Variants in KIF6 observed in about 807,000 individuals in gnomAD.
KIF6 encodes kinesin-like protein KIF6.
A neutral mutation model predicts 112.7 loss-of-function variants in KIF6; 106 were observed. That is an observed-to-expected ratio of 0.94 (90% CI 0.80 to 1.11). KIF6 has a LOEUF of 1.11. Ranked by LOEUF, KIF6 falls within the 50% of genes least tolerant of loss-of-function variation. KIF6 has a pLI of 0.00. For synonymous variants in KIF6, 339 were observed against 339.9 expected, an observed-to-expected ratio of 1.00 and a Z score of 0.03; for missense variants, 929 against 964.0, an observed-to-expected ratio of 0.96 and a Z score of 0.48.
chr6:39,346,489 T>C lies in KIF6; in HGVS notation c.2218A>G (p.Arg740Gly), dbSNP rs1763818132. ...GGGGGTCCTCACCAGACATCGAATC[T>C]GCCAGTGCCTTGATCTTGGACTTCC... is the stretch of plus-strand genomic sequence containing the variant. ...GWEVQDQGTG[R>G]FDVCDVNARK... Residue 740 changes from arginine to glycine, a missense_variant, in exon 20 of 23, where the codon AGA (arginine) becomes GGA (glycine). Around this residue, in one of 2 missense-constraint regions of KIF6, gnomAD observed 241 missense variants for 301.4 expected, o/e 0.80. Coordinates refer to ENST00000287152, the MANE Select transcript of KIF6 (RefSeq NM_145027.6). 2.8e-6 allele frequency: 2 copies of C among 715,652 alleles called. No homozygotes were observed. The highest frequency in any genetic ancestry group is 2.0e-5 in the Admixed American group (1 of 49,964). The allele number at this position is 715,652 out of a possible 1,614,324, so 44.3% of individuals were successfully genotyped here.
intron 3 of KIF6, among the ~76,000 whole-genome samples, chr6:39,700,400 C>T (rs1441012219): frequency 5.3e-5 from 8 of 152,182 alleles, no homozygotes; most frequent in Admixed American, 4.6e-4. Flanking sequence ...TATGTTCAAG[C>T]TGATGATCCT....
At chr6:39,612,561 C>G (rs1214013789) in intron 6 of KIF6, among the ~76,000 whole-genome samples, 3 of 152,140 alleles carry the variant, frequency 2.0e-5, no homozygotes, top group Non-Finnish European at 4.4e-5. Flanking sequence ...ATTTGAATGT[C>G]AGATTAACAA....
At chr6:39,607,523 T>C (rs1257184361) in intron 6 of KIF6, among the ~76,000 whole-genome samples, 3 of 152,176 alleles carry the variant, frequency 2.0e-5, no homozygotes, top group African/African-American at 7.2e-5. Flanking sequence ...GAATTGTCAA[T>C]ATATCTTTTA....
intron 21 of KIF6, among the ~76,000 whole-genome samples, chr6:39,344,904 G>A (rs1438636356): frequency 3.3e-5 from 5 of 152,184 alleles, no homozygotes; most frequent in East Asian, 1.9e-4. Context: ...ATGTGTGGCC[G>A]GGTGACCAGG....
intron 15 of KIF6, 108 bp downstream of exon 15, chr6:39,419,840 C>G (rs1384791894): frequency 1.0e-6 from 1 of 953,206 alleles, no homozygotes; most frequent in Non-Finnish European, 1.7e-6. Flanking sequence ...AGGGGCTCTC[C>G]TGAAACTGGC....
chr6:39,683,057 G>T (rs1011046698), intron 3 of KIF6, among the ~76,000 whole-genome samples: 41 of 152,352 alleles, frequency 2.7e-4, no homozygotes, highest in African/African-American at 9.4e-4. Context: ...CTGGGCAAAG[G>T]AAAGGAAAAG....
At chr6:39,358,569 G>A (rs576214787) in intron 18 of KIF6, among the ~76,000 whole-genome samples, 28 of 152,318 alleles carry the variant, frequency 1.8e-4, no homozygotes, top group Non-Finnish European at 3.7e-4. Context: ...AGTTTCGCTG[G>A]TATGACCCTT....
At chr6:39,622,035 C>T (rs757665842) in intron 5 of KIF6, among the ~76,000 whole-genome samples, 12 of 151,700 alleles carry the variant, frequency 7.9e-5, no homozygotes, top group Non-Finnish European at 1.8e-4. Flanking sequence ...GGTGGGGCGG[C>T]GGGCACCTGT....
At chr6:39,579,152 T>C (rs1781145941) in intron 9 of KIF6, among the ~76,000 whole-genome samples, 1 of 152,216 alleles carries the variant, frequency 6.6e-6, no homozygotes, top group Admixed American at 6.5e-5. Context: ...TTATTATATA[T>C]TGTTAAATTG....
intron 13 of KIF6, among the ~76,000 whole-genome samples, chr6:39,509,937 A>T (rs1776669085): frequency 6.6e-6 from 1 of 152,130 alleles, no homozygotes; most frequent in African/African-American, 2.4e-5. Flanking sequence ...TGTCAGATTC[A>T]CCAAGGCTGA....
At chr6:39,491,691 G>A (rs1338454328) in intron 13 of KIF6, among the ~76,000 whole-genome samples, 2 of 152,170 alleles carry the variant, frequency 1.3e-5, no homozygotes, top group African/African-American at 2.4e-5. Context: ...TGAAGACAGT[G>A]TTAGCAGAAG....
chr6:39,631,826 A>T (rs1784367857), intron 5 of KIF6, among the ~76,000 whole-genome samples: 1 of 151,984 alleles, frequency 6.6e-6, no homozygotes, highest in Non-Finnish European at 1.5e-5. Context: ...GAAAGAGATT[A>T]TGTAAAATTG....
chr6:39,479,265 G>A (rs1774643397), intron 13 of KIF6, among the ~76,000 whole-genome samples: 1 of 152,124 alleles, frequency 6.6e-6, no homozygotes, highest in African/African-American at 2.4e-5. Flanking sequence ...TCTGTCTTGA[G>A]CTGATTTTTA....
At chr6:39,618,523 G>A (rs112820534) in intron 5 of KIF6, among the ~76,000 whole-genome samples, 10,544 of 152,192 alleles carry the variant, frequency 0.069, 419 homozygotes, top group Middle Eastern at 0.11. Flanking sequence ...TAGCATTAAT[G>A]TTAAAACAGA....
chr6:39,386,628 G>T (rs1362378391), intron 15 of KIF6, among the ~76,000 whole-genome samples: 1 of 152,032 alleles, frequency 6.6e-6, no homozygotes, highest in Non-Finnish European at 1.5e-5. Context: ...TCCTGAAAGG[G>T]TTCAAGCAGA....
chr6:39,361,108 A>G (rs2150258981), intron 17 of KIF6, among the ~76,000 whole-genome samples: 1 of 152,312 alleles, frequency 6.6e-6, no homozygotes, highest in Admixed American at 6.5e-5. Context: ...GAACGCATAC[A>G]TATATTGGTT....
Position 39,346,048 on chromosome 6 carries a change from T to TGC in KIF6, c.2232-261_2232-260dup, listed in dbSNP as rs1562112512. Among the ~76,000 whole-genome samples, 300 of 35,646 alleles carry TGC rather than the reference T, an allele frequency of 8.4e-3. 4 individuals are homozygous for TGC. Among genetic ancestry groups the TGC allele is most frequent in the African/African-American group, 0.024 (266 of 11,038 alleles). The allele number at this position is 35,646 out of a possible 152,430, so 23.4% of individuals were successfully genotyped here. ...ATAAGAGGAGGATGAGAAACTACAG[T>TGC]GCTCTCTCTCTCTCTCTCTCTCTCT... On this transcript the variant is annotated intron_variant, in intron 20 of 22. Coordinates refer to ENST00000287152, the MANE Select transcript of KIF6 (RefSeq NM_145027.6).
At chr6:39,497,916 T>C (rs985534260) in intron 13 of KIF6, among the ~76,000 whole-genome samples, 1 of 152,238 alleles carries the variant, frequency 6.6e-6, no homozygotes, top group Non-Finnish European at 1.5e-5. Flanking sequence ...TGGAAACTTA[T>C]TCTTGTTGTT....
intron 3 of KIF6, among the ~76,000 whole-genome samples, chr6:39,664,933 A>G (rs556956216): frequency 6.6e-6 from 1 of 152,318 alleles, no homozygotes; most frequent in East Asian, 1.9e-4. Context: ...ATGACAAAAC[A>G]TTTCATAGGT....
Sources: allele counts gnomAD v4.1 joint callset (sites outside exome capture counted in the v4.1 genomes callset), GRCh38; gene constraint gnomAD v4.1.1; regional missense constraint gnomAD v4.1.1; transcripts MANE v1.5; gene names NCBI Gene and HGNC (gene_info 2026-07-23, HGNC 2026-07-21).